The following ALDH9A1 variants were observed in gnomAD, a reference collection of about 807,000 sequenced individuals.
The protein encoded by ALDH9A1 is aldehyde dehydrogenase 9 family member A1, also known as 4-trimethylaminobutyraldehyde dehydrogenase.
A neutral mutation model predicts 56.6 loss-of-function variants in ALDH9A1; 42 were observed. The observed-to-expected ratio is 0.74, with a 90% CI of 0.58 to 0.96. ALDH9A1 has a LOEUF of 0.96. Ranked by LOEUF, ALDH9A1 falls within the 40% of genes least tolerant of loss-of-function variation. The probability of loss-of-function intolerance (pLI) is 0.00; values close to 1 mark genes in which losing one functional copy is unlikely to be tolerated. For synonymous variants in ALDH9A1, 242 were observed against 236.0 expected (o/e 1.03, Z -0.23); for missense variants, 661 against 651.5 (o/e 1.01, Z -0.16).
intron 2 of ALDH9A1, among the ~76,000 whole-genome samples, chr1:165,689,360 C>G (rs767574355): frequency 3.5e-4 from 53 of 152,136 alleles, no homozygotes; most frequent in Middle Eastern, 3.2e-3. Flanking sequence ...GAAATGTAAA[C>G]CTCTTTACTT....
rs1649604636 is a variant in ALDH9A1 at position 165,683,096 on chromosome 1, T to C, written c.342A>G (p.Glu114=). 2 of 1,613,898 alleles carry C rather than the reference T, an allele frequency of 1.2e-6. No homozygotes were observed. The highest frequency in any genetic ancestry group is 1.3e-5 in the African/African-American group (1 of 74,892). ...AARIIRERED[E]IATMECINNG... is the part of the protein sequence containing the mutation. ...TGTTGATGCACTCCATAGTAGCAAT[T>C]TCATCCTCCCGTTCCTTTGGGTAAA... Residue 114 remains glutamate, a synonymous_variant, in exon 3 of 11, where the codon GAA becomes GAG. Coordinates refer to ENST00000354775, the MANE Select transcript of ALDH9A1 (RefSeq NM_000696.4).
At chr1:165,678,864 G>A (rs1027040974) in intron 6 of ALDH9A1, among the ~76,000 whole-genome samples, 1 of 152,112 alleles carries the variant, frequency 6.6e-6, no homozygotes, top group Non-Finnish European at 1.5e-5. Context: ...CTCCCAAAAT[G>A]TCAACGTCCT....
At chr1:165,684,440 T>G (rs1043940239) in intron 2 of ALDH9A1, among the ~76,000 whole-genome samples, 1 of 152,136 alleles carries the variant, frequency 6.6e-6, no homozygotes, top group Non-Finnish European at 1.5e-5. Context: ...AAAACAACCT[T>G]TTGACAATTA....
intron 5 of ALDH9A1, 38 bp from the exon 6 acceptor site, chr1:165,679,620 C>T (rs1423700683): frequency 1.2e-6 from 2 of 1,611,636 alleles, no homozygotes; most frequent in African/African-American, 1.3e-5. Context: ...AACTTTAACA[C>T]AAATTATATT....
At chr1:165,683,839 A>G (rs1227263777) in intron 2 of ALDH9A1, among the ~76,000 whole-genome samples, 1 of 152,238 alleles carries the variant, frequency 6.6e-6, no homozygotes, top group Non-Finnish European at 1.5e-5. Context: ...CTAAGAAAGA[A>G]AGCTAAATAA....
intron 2 of ALDH9A1, among the ~76,000 whole-genome samples, chr1:165,684,195 T>C (rs1036569863): frequency 6.6e-6 from 1 of 152,196 alleles, no homozygotes; most frequent in Non-Finnish European, 1.5e-5. Flanking sequence ...AGGTATAAAG[T>C]GCTTTGACTC....
intron 2 of ALDH9A1, among the ~76,000 whole-genome samples, chr1:165,690,728 C>T (rs970002463): frequency 4.3e-4 from 66 of 152,266 alleles, no homozygotes; most frequent in African/African-American, 1.2e-3. Context: ...GCTGGCTCGG[C>T]GGGTCCCCCA....
At chr1:165,675,977 T>C (rs1649343559) in intron 6 of ALDH9A1, among the ~76,000 whole-genome samples, 3 of 152,200 alleles carry the variant, frequency 2.0e-5, no homozygotes, top group Non-Finnish European at 2.9e-5. Context: ...ATAAACATTG[T>C]GGATAATGGG....
At chr1:165,683,684 T>C (rs1649624219) in intron 2 of ALDH9A1, among the ~76,000 whole-genome samples, 1 of 152,232 alleles carries the variant, frequency 6.6e-6, no homozygotes, top group African/African-American at 2.4e-5. Context: ...TTGCAGCATA[T>C]TCTCTTCTAA....
chr1:165,679,183 T>C (rs912987979), intron 6 of ALDH9A1, among the ~76,000 whole-genome samples: 3 of 152,252 alleles, frequency 2.0e-5, no homozygotes, highest in African/African-American at 4.8e-5. Context: ...AGGGGCCTTA[T>C]GTCTACAATT....
At position 165,698,559 on chromosome 1, in the gene ALDH9A1, G is replaced by A. The variant is rs1360719807; in HGVS notation, c.-1C>T. On this transcript the variant is annotated 5_prime_UTR_variant, in exon 1 of 11. Coordinates refer to ENST00000354775, the MANE Select transcript of ALDH9A1 (RefSeq NM_000696.4). ...CGGCCAGGCCTGCTCGGAGAAACAT[G>A]AGTGGCGGACGCAGCTCCGCGGCAG... The A allele has an allele frequency of 1.9e-6, 3 of 1,601,352 alleles. No individual in the cohort carries two copies. The highest frequency in any genetic ancestry group is 2.6e-6 in the Non-Finnish European group (3 of 1,175,868).
intron 6 of ALDH9A1, chr1:165,676,315 CA>C (rs1240481494): frequency 6.3e-6 from 1 of 158,602 alleles, no homozygotes; most frequent in Non-Finnish European, 1.4e-5. Context: ...ACCAAAACGA[CA>C]AACACAGGGA....
rs374432596 is a variant in ALDH9A1 at position 165,681,736 on chromosome 1, G to A, written c.592+371C>T. 8.9e-4 allele frequency among the ~76,000 whole-genome samples: 135 copies of A among 152,260 alleles called. 1 individual carries two copies. Among genetic ancestry groups the A allele is most frequent in the African/African-American group, 2.9e-3 (122 of 41,548 alleles). ...AAGAAAGGAGTTTATCTTCTGCTTC[G>A]TAAATGAAGTCAAACTCCTAAGTGC... On this transcript the variant is annotated intron_variant, in intron 4 of 10. Transcript: ENST00000354775.
At chr1:165,695,736 C>T (rs1160367538) in intron 1 of ALDH9A1, among the ~76,000 whole-genome samples, 2 of 151,888 alleles carry the variant, frequency 1.3e-5, no homozygotes, top group Non-Finnish European at 2.9e-5. Flanking sequence ...GACCTTGTGA[C>T]CCACCCGCCT....
rs200499399 is a variant in ALDH9A1, at chr1:165,682,126, C to T, written c.573G>A (p.Ser191=). 3.8e-5 allele frequency: 61 copies of T among 1,613,944 alleles called. No homozygotes were observed. The highest frequency in any genetic ancestry group is 4.9e-5 in the Non-Finnish European group (58 of 1,179,960). ...TCTTACCACAGGCTAATGCTGGAGC[C>T]GACTTCCAAGAGGCAATCTGAAAGG... The part of the protein sequence containing the change: ...NYPFQIASWK[S]APALACGNAM... Residue 191 remains serine, a synonymous_variant, in exon 4 of 11, where the codon TCG becomes TCA. Transcript: ENST00000354775.
intron 5 of ALDH9A1, among the ~76,000 whole-genome samples, chr1:165,679,856 T>C (rs1649488947): frequency 6.6e-6 from 1 of 151,252 alleles, no homozygotes; most frequent in Non-Finnish European, 1.5e-5. Flanking sequence ...TACAGAAAAA[T>C]AAGAAACTTA....
rs113258533 is a variant in ALDH9A1, at chr1:165,665,004, T to A, written c.1462+14A>T. ...TAGAGACCTAGTTTGCATTCACACC[T>A]CCCAGCTCCTCACCTGACTTCTTAT... On this transcript the variant is annotated intron_variant, in intron 10 of 10. Coordinates refer to ENST00000354775, the MANE Select transcript of ALDH9A1 (RefSeq NM_000696.4). 3 of 1,607,056 alleles carry A rather than the reference T, an allele frequency of 1.9e-6. No individual in the cohort carries two copies. The highest frequency in any genetic ancestry group is 1.3e-5 in the African/African-American group (1 of 74,714).
At chr1:165,666,564 C>T (rs995873992) in intron 9 of ALDH9A1, among the ~76,000 whole-genome samples, 4 of 152,060 alleles carry the variant, frequency 2.6e-5, no homozygotes, top group African/African-American at 7.2e-5. Flanking sequence ...ATCTTTTCTT[C>T]GGAGCTCAAA....
intron 2 of ALDH9A1, among the ~76,000 whole-genome samples, chr1:165,688,159 A>G (rs942638778): frequency 2.6e-5 from 4 of 152,060 alleles, no homozygotes; most frequent in African/African-American, 7.2e-5. Flanking sequence ...TCTACAAAAA[A>G]TACAAAAATT....
Sources: gnomAD v4.1 joint callset for allele counts (sites outside exome capture counted in the v4.1 genomes callset) on GRCh38, gnomAD v4.1.1 for gene constraint, MANE v1.5 for transcripts, NCBI Gene and HGNC (gene_info 2026-07-23, HGNC 2026-07-21) for gene names.